Variants in TIMM17B observed in about 807,000 individuals in gnomAD.
TIMM17B encodes translocase of inner mitochondrial membrane 17B.
A neutral mutation model predicts 15.9 loss-of-function variants in TIMM17B; 10 were observed. The ratio of observed to expected loss-of-function variants is 0.63; its 90% CI spans 0.39 to 1.06. TIMM17B has a LOEUF of 1.06. Among genes scored for constraint, TIMM17B ranks in the 50% least tolerant of loss-of-function variants. The pLI, the probability that TIMM17B is intolerant of heterozygous loss-of-function variation, is 0.01. For missense variants in TIMM17B, 114 were observed against 152.2 expected, an observed-to-expected ratio of 0.75 and a Z score of 1.32; for synonymous variants, 57 against 57.2, an observed-to-expected ratio of 1.00 and a Z score of 0.02.
At chrX:48,897,808 T>A (rs782326954) in exon 2 of TIMM17B, 17 of 1,190,880 alleles carry the variant, frequency 1.4e-5, no homozygotes, top group East Asian at 1.2e-4. Flanking sequence ...CACACCGGCG[T>A]CGGAGCTTTC....
At chrX:48,896,760 A>G in exon 3 of TIMM17B, 1 of 1,211,260 alleles carries the variant, frequency 8.3e-7, no homozygotes, top group Non-Finnish European at 1.1e-6. Flanking sequence ...TGGACTCACA[A>G]CAGGGGCATT....
At position 48,895,260 on chromosome X, in the gene TIMM17B, A is replaced by G; in HGVS notation, c.127-159T>C. 6 of 495,603 alleles carry G rather than the reference A, an allele frequency of 1.2e-5. No individual in the cohort carries two copies. In the South Asian group the frequency reaches 1.7e-4, roughly 14 times the overall value. 40.8% of individuals were successfully genotyped at this position (495,603 alleles called of 1,213,427 possible). ...AACTAGTGGCCTGGAGAGCGCCCCA[A>G]CATGGGTGTTCTCAGAGCTAGGTTG... On this transcript the variant is annotated intron_variant, in intron 3 of 6. Coordinates refer to ENST00000376582, the Ensembl canonical transcript of TIMM17B.
At position 48,896,429 on chromosome X, in the gene TIMM17B, T is replaced by C. The variant is rs191954580; in HGVS notation, c.126+330A>G. Reference sequence around the variant, plus strand: ...GAGCCAAGAGCGTGCCACTGCACTCTAGCCTGGGCAACAGAGCAAGACTGT... The same window carrying C: ...GAGCCAAGAGCGTGCCACTGCACTCCAGCCTGGGCAACAGAGCAAGACTGT... On this transcript the variant is annotated intron_variant, in intron 3 of 6. Transcript: ENST00000376582. 5.1e-4 allele frequency: 97 copies of C among 191,539 alleles called. No individual in the cohort carries two copies. The East Asian group carries it at 9.7e-3, about 19-fold the overall frequency. 15.8% of individuals were successfully genotyped at this position (191,539 alleles called of 1,213,427 possible). A position where few individuals can be genotyped will look rare whatever the true frequency, so the allele number is the denominator to read the frequency against.
chrX:48,893,751 G>C, exon 7 of TIMM17B: 1 of 1,164,233 alleles, frequency 8.6e-7, no homozygotes, highest in Non-Finnish European at 1.1e-6. Flanking sequence ...CTGATAGCTG[G>C]GGTAGCCTGG....
In TIMM17B at chrX:48,894,226, C is replaced by T. The variant is rs782622189; in HGVS notation, c.191-1G>A. 2 of 1,208,796 alleles carry T rather than the reference C, an allele frequency of 1.7e-6. No homozygotes were observed. Among genetic ancestry groups the T allele is most frequent in the Non-Finnish European group, 2.2e-6 (2 of 893,624 alleles). Reference sequence around the variant, plus strand: ...AGGCCCCCCCACACTGCGAAGCTACCTGTAGTGGAACCGAGGCCTAATTAG... The same window carrying T: ...AGGCCCCCCCACACTGCGAAGCTACTTGTAGTGGAACCGAGGCCTAATTAG... On this transcript the variant is annotated splice_acceptor_variant, in intron 4 of 6. Coordinates refer to ENST00000376582, the Ensembl canonical transcript of TIMM17B. LOFTEE classifies it high-confidence loss of function.
intron 3 of TIMM17B, chrX:48,896,487 C>A: frequency 2.5e-6 from 1 of 395,314 alleles, no homozygotes; most frequent in Non-Finnish European, 4.0e-6. Flanking sequence ...TGGCTTTGCA[C>A]ATACATTTAA....
chrX:48,896,672 C>T, intron 3 of TIMM17B, 87 bp downstream of exon 2: 1 of 1,176,822 alleles, frequency 8.5e-7, no homozygotes, highest in Middle Eastern at 2.5e-4. Flanking sequence ...GTGCACGTGA[C>T]TGGCAGCTCC....
intron 4 of TIMM17B, among the ~76,000 whole-genome samples, chrX:48,894,634 C>T (rs1557039197): frequency 8.9e-6 from 1 of 111,948 alleles, no homozygotes; most frequent in Non-Finnish European, 1.9e-5. Context: ...GTGCCAGGAC[C>T]TGTTCGAGGT....
At chrX:48,896,564 G>A in intron 3 of TIMM17B, 195 bp downstream of exon 2, 1 of 883,089 alleles carries the variant, frequency 1.1e-6, no homozygotes, top group Non-Finnish European at 1.5e-6. Flanking sequence ...GTGGGGTGGA[G>A]GGTGGAAGAC....
chrX:48,893,572 A>C, exon 7 of TIMM17B: 6 of 423,312 alleles, frequency 1.4e-5, no homozygotes, highest in Non-Finnish European at 4.0e-6. Context: ...CCCATCTGTC[A>C]GGGCAGCTGG....
At chrX:48,897,501 A>G in intron 2 of TIMM17B, 3 of 437,211 alleles carry the variant, frequency 6.9e-6, no homozygotes, top group Non-Finnish European at 1.2e-5. Context: ...TTACGAAGTC[A>G]GGAGAAACAT....
At chrX:48,897,810 G>T in exon 2 of TIMM17B, 1 of 1,190,182 alleles carries the variant, frequency 8.4e-7, no homozygotes. Context: ...CACCGGCGTC[G>T]GAGCTTTCCG....
chrX:48,894,952 C>A, intron 4 of TIMM17B, 86 bp downstream of exon 3: 1 of 803,162 alleles, frequency 1.2e-6, no homozygotes, highest in Non-Finnish European at 1.8e-6. Context: ...GAATCTGAAC[C>A]CCTAACTTGC....
At chrX:48,897,754 C>G in exon 2 of TIMM17B, 1 of 1,209,614 alleles carries the variant, frequency 8.3e-7, no homozygotes, top group Non-Finnish European at 1.1e-6. Context: ...CTCCATGGCG[C>G]TGGCGTCTGG....
intron 2 of TIMM17B, chrX:48,897,123 C>T (rs1557039674): frequency 1.7e-5 from 9 of 537,490 alleles, no homozygotes; most frequent in Non-Finnish European, 2.5e-5. Context: ...TTACTGTGAT[C>T]AAAGATTAAA....
chrX:48,894,358 A>G (rs1295832208), intron 4 of TIMM17B, 133 bp from the exon 4 acceptor site: 1 of 638,475 alleles, frequency 1.6e-6, no homozygotes, highest in African/African-American at 2.2e-5. Flanking sequence ...TAGCAAACCC[A>G]CACAGAGTAT....
exon 7 of TIMM17B, chrX:48,893,574 G>A (rs1602309358): frequency 2.3e-6 from 1 of 432,172 alleles, no homozygotes; most frequent in East Asian, 4.1e-5. Flanking sequence ...CATCTGTCAG[G>A]GCAGCTGGGG....
chrX:48,898,075 G>A (rs1173507717), exon 1 of TIMM17B: 1 of 1,032,476 alleles, frequency 9.7e-7, no homozygotes, highest in Non-Finnish European at 1.2e-6. Context: ...ACCTGCACGA[G>A]TGTATTGGTA....
chrX:48,897,415 T>C (rs1823460261), intron 2 of TIMM17B: 1 of 314,156 alleles, frequency 3.2e-6, no homozygotes, highest in African/African-American at 2.7e-5. Context: ...CTCTGGGGAT[T>C]TCCGGTCAAC....
Sources: gnomAD v4.1 joint callset for allele counts (sites outside exome capture counted in the v4.1 genomes callset) on GRCh38, gnomAD v4.1.1 for gene constraint, MANE v1.5 for transcripts, NCBI Gene and HGNC (gene_info 2026-07-23, HGNC 2026-07-21) for gene names.